Variants in SEL1L2 observed in about 807,000 individuals in gnomAD.
The protein encoded by SEL1L2 is protein sel-1 homolog 2.
SEL1L2 carries 89 observed loss-of-function variants against 98.8 expected under a neutral mutation model. The observed-to-expected ratio is 0.90, with a 90% confidence interval of 0.76 to 1.07. The LOEUF is 1.07. SEL1L2 is among the 50% of genes least tolerant of loss of function. The pLI is 0.00. For synonymous variants in SEL1L2, 262 were observed against 278.5 expected, an observed-to-expected ratio of 0.94 and a Z score of 0.59; for missense variants, 788 against 812.0, an observed-to-expected ratio of 0.97 and a Z score of 0.36.
chr20:13,876,152 A>C (rs1466607681), intron 11 of SEL1L2, 37 bp from the exon 12 acceptor site: 1 of 1,447,380 alleles, frequency 6.9e-7, no homozygotes, highest in Non-Finnish European at 9.7e-7. Context: ...GAAAAAACAA[A>C]ATAATTTGAG....
At chr20:13,993,372 A>G (rs2052574103), upstream of SEL1L2, among the ~76,000 whole-genome samples, 3 of 152,218 alleles carry the variant, frequency 2.0e-5, no homozygotes, top group South Asian at 6.2e-4. Context: ...GAGATGGGGA[A>G]AACTGGGAGA....
intron 5 of SEL1L2, among the ~76,000 whole-genome samples, chr20:13,908,935 T>C (rs77242984): frequency 0.044 from 6,619 of 152,044 alleles, 166 homozygotes; most frequent in African/African-American, 0.06. Flanking sequence ...CTCCTCAATG[T>C]CACTTTAATA....
chr20:13,947,233 C>T (rs1243535207), intron 2 of SEL1L2, among the ~76,000 whole-genome samples: 1 of 152,164 alleles, frequency 6.6e-6, no homozygotes, highest in Non-Finnish European at 1.5e-5. Context: ...TTCCCCTCTT[C>T]TGAGCCCATA....
At chr20:13,875,436 T>C (rs1009270375) in intron 12 of SEL1L2, among the ~76,000 whole-genome samples, 3 of 152,174 alleles carry the variant, frequency 2.0e-5, no homozygotes, top group Non-Finnish European at 2.9e-5. Context: ...ATTTTACAGA[T>C]GGGGAAATTG....
chr20:13,905,870 CCTT>C (rs1320346630), intron 5 of SEL1L2, among the ~76,000 whole-genome samples: 2 of 144,790 alleles, frequency 1.4e-5, no homozygotes, highest in Non-Finnish European at 3.0e-5. Flanking sequence ...TTTTTCTTTT[CCTT>C]TTTTTTTTTT....
intron 2 of SEL1L2, among the ~76,000 whole-genome samples, chr20:13,932,651 G>A (rs1218596100): frequency 3.3e-5 from 5 of 151,894 alleles, no homozygotes; most frequent in Non-Finnish European, 7.4e-5. Flanking sequence ...GGCTGTTCTC[G>A]AACTTCTGAC....
chr20:13,971,573 G>C (rs1027373186), intron 1 of SEL1L2, among the ~76,000 whole-genome samples: 18 of 150,978 alleles, frequency 1.2e-4, no homozygotes, highest in Non-Finnish European at 2.4e-4. Context: ...CCACAGGCAT[G>C]TGCCACCATA....
chr20:13,966,985 G>A (rs924118481), intron 1 of SEL1L2, among the ~76,000 whole-genome samples: 2 of 148,454 alleles, frequency 1.3e-5, no homozygotes, highest in African/African-American at 4.9e-5. Flanking sequence ...GGGTTCAAGC[G>A]ATTCTTCTAC....
chr20:13,968,729 C>T lies in SEL1L2; in HGVS notation c.59-12598G>A, dbSNP rs1017464735. Among the ~76,000 whole-genome samples, 4 of 152,184 alleles carry T rather than the reference C, an allele frequency of 2.6e-5. No homozygotes were observed. The South Asian group carries it at 8.3e-4, about 32-fold the overall frequency. On this transcript the variant is annotated intron_variant, in intron 1 of 19. Transcript: ENST00000284951. ...ATATAACATCAAAGTAACTGCAAGG[C>T]TTTCTGTGCTCTCTTCCCAAAATGA...
intron 2 of SEL1L2, among the ~76,000 whole-genome samples, chr20:13,951,304 G>T (rs1354677670): frequency 3.0e-5 from 3 of 100,104 alleles, no homozygotes; most frequent in Non-Finnish European, 4.1e-5. Context: ...AAAAAAGAAA[G>T]AAAGAAAGAA....
At chr20:13,877,411 C>T in intron 11 of SEL1L2, 109 bp downstream of exon 11, 1 of 790,042 alleles carries the variant, frequency 1.3e-6, no homozygotes, top group Middle Eastern at 3.7e-4. Context: ...AATGATCTTT[C>T]CACCTCAACT....
In SEL1L2 at chr20:13,866,719, A is replaced by T. The variant is rs1461940235; in HGVS notation, c.1387T>A (p.Cys463Ser). 5 of 1,592,702 alleles carry T rather than the reference A, an allele frequency of 3.1e-6. No individual in the cohort carries two copies. Among genetic ancestry groups the T allele is most frequent in the Non-Finnish European group, 4.3e-6 (5 of 1,172,494 alleles). The change falls in exon 15 of 20, where the codon TGC (cysteine) becomes AGC (serine). Residue 463 changes from cysteine to serine, a missense_variant. Transcript: ENST00000284951. ...YATGTGVVRS[C>S]RTAVELYKGV... Reference sequence around the variant, plus strand: ...ATATTTACCTCCACAGCAGTTCTGCATGATCTTACTACTCCTGTTCCTGTT... The same window carrying T: ...ATATTTACCTCCACAGCAGTTCTGCTTGATCTTACTACTCCTGTTCCTGTT...
intron 15 of SEL1L2, 131 bp from the exon 16 acceptor site, chr20:13,865,645 T>C (rs539417395): frequency 1.7e-4 from 113 of 671,206 alleles, no homozygotes; most frequent in Non-Finnish European, 2.5e-4. Flanking sequence ...AACATGGCTT[T>C]TGCAAATTAT....
intron 17 of SEL1L2, among the ~76,000 whole-genome samples, chr20:13,864,793 A>G (rs909491981): frequency 1.3e-5 from 2 of 152,224 alleles, no homozygotes; most frequent in Non-Finnish European, 2.9e-5. Context: ...TTGTAAACTC[A>G]TTGAGACATG....
At chr20:13,892,446 T>A in intron 5 of SEL1L2, among the ~76,000 whole-genome samples, 1 of 46,566 alleles carries the variant, frequency 2.1e-5, no homozygotes. Flanking sequence ...TGAGACTCCA[T>A]CTCAAAAAAA....
chr20:13,926,805 A>G (rs2048928064), intron 3 of SEL1L2, among the ~76,000 whole-genome samples: 1 of 152,206 alleles, frequency 6.6e-6, no homozygotes, highest in South Asian at 2.1e-4. Context: ...CAGAAGCAGC[A>G]AAAAGGAATG....
intron 3 of SEL1L2, among the ~76,000 whole-genome samples, chr20:13,926,377 A>C (rs1363323014): frequency 6.6e-6 from 1 of 152,220 alleles, no homozygotes; most frequent in Non-Finnish European, 1.5e-5. Context: ...CCACATCTAA[A>C]GAAGAAGTTG....
chr20:13,944,530 T>C (rs1424085203), intron 2 of SEL1L2, among the ~76,000 whole-genome samples: 1 of 152,216 alleles, frequency 6.6e-6, no homozygotes, highest in Non-Finnish European at 1.5e-5. Flanking sequence ...AGCCATTTAC[T>C]GGCCTAGGAG....
At chr20:13,913,040 C>G (rs1178843349) in intron 5 of SEL1L2, among the ~76,000 whole-genome samples, 1 of 152,128 alleles carries the variant, frequency 6.6e-6, no homozygotes, top group Non-Finnish European at 1.5e-5. Flanking sequence ...TGGATTCAAA[C>G]TTAGGTCTGT....
Sources: gnomAD v4.1 joint callset for allele counts (sites outside exome capture counted in the v4.1 genomes callset) on GRCh38, gnomAD v4.1.1 for gene constraint, MANE v1.5 for transcripts, NCBI Gene and HGNC (gene_info 2026-07-23, HGNC 2026-07-21) for gene names.